IL12RB1: variants seen among roughly 807,000 people sequenced by gnomAD.
The protein encoded by IL12RB1 is interleukin 12 receptor subunit beta 1, also known as interleukin-12 receptor subunit beta-1.
IL12RB1 carries 64 observed loss-of-function variants against 94.4 expected under a neutral mutation model. The ratio of observed to expected loss-of-function variants is 0.68; its 90% CI spans 0.55 to 0.83. The LOEUF is 0.83. Ranked by LOEUF, IL12RB1 falls within the 40% of genes least tolerant of loss-of-function variation. The probability of loss-of-function intolerance (pLI) is 0.00; values close to 1 mark genes in which losing one functional copy is unlikely to be tolerated. For missense variants in IL12RB1, 814 were observed against 855.6 expected, an observed-to-expected ratio of 0.95 and a Z score of 0.61; for synonymous variants, 362 against 355.5, an observed-to-expected ratio of 1.02 and a Z score of -0.21.
At chr19:18,080,720 G>A (rs1449558368) in intron 4 of IL12RB1, 112 bp downstream of exon 4, 1 of 792,784 alleles carries the variant, frequency 1.3e-6, no homozygotes, top group African/African-American at 1.7e-5. Flanking sequence ...AGTGACAATG[G>A]CTAGTAGTAT....
intron 9 of IL12RB1, among the ~76,000 whole-genome samples, chr19:18,071,633 A>G (rs1177561948): frequency 6.6e-6 from 1 of 151,802 alleles, no homozygotes; most frequent in Non-Finnish European, 1.5e-5. Flanking sequence ...AAAAAAAACA[A>G]ACCAACAACA....
At chr19:18,070,182 A>C (rs2034923083) in intron 9 of IL12RB1, among the ~76,000 whole-genome samples, 1 of 152,176 alleles carries the variant, frequency 6.6e-6, no homozygotes. Flanking sequence ...GGCTTCCCAA[A>C]GTGCTGGGAT....
At chr19:18,067,403 G>A (rs2034672050) in intron 11 of IL12RB1, among the ~76,000 whole-genome samples, 1 of 151,286 alleles carries the variant, frequency 6.6e-6, no homozygotes, top group African/African-American at 2.4e-5. Context: ...GTCCAGAGAC[G>A]GAGGTAACAT....
In IL12RB1 at chr19:18,076,318, C is replaced by T. The variant is rs564884307; in HGVS notation, c.559G>A (p.Gly187Arg). Reference sequence around the variant, plus strand: ...TCACCAGTATCATCATCCTGAGGTCCGCAGTCGCCCTAGAATAAAAACATA... The same window carrying T: ...TCACCAGTATCATCATCCTGAGGTCTGCAGTCGCCCTAGAATAAAAACATA... The part of the protein sequence containing the change: ...PSSPWKLGDC[G>R]PQDDDTESCL... The change falls in exon 6 of 17, where the codon GGA becomes AGA. Residue 187 changes from glycine to arginine, a missense_variant. Gly to Arg is a moderately radical substitution (Grantham distance 125). Transcript: ENST00000593993. 21 of 1,422,960 alleles carry T rather than the reference C, an allele frequency of 1.5e-5. No homozygotes were observed. The highest frequency in any genetic ancestry group is 1.8e-4 in the Middle Eastern group (1 of 5,706). The allele number at this position is 1,422,960 out of a possible 1,614,324, so 88.1% of individuals were successfully genotyped here.
At chr19:18,098,004 A>C (rs2037133304) in intron 1 of IL12RB1, among the ~76,000 whole-genome samples, 1 of 152,052 alleles carries the variant, frequency 6.6e-6, no homozygotes, top group Non-Finnish European at 1.5e-5. Flanking sequence ...GCTTTTTCTC[A>C]TGGTGGGAAG....
At chr19:18,067,645 T>C (rs2146188721) in intron 11 of IL12RB1, among the ~76,000 whole-genome samples, 1 of 151,996 alleles carries the variant, frequency 6.6e-6, no homozygotes, top group South Asian at 2.1e-4. Context: ...CTACTAAAGA[T>C]ACAAAAAATT....
At position 18,086,816 on chromosome 19, in the gene IL12RB1, G is replaced by C; in HGVS notation, c.8C>G (p.Pro3Arg). Residue 3 changes from proline to arginine, a missense_variant, in exon 1 of 17, where the codon CCG becomes CGG. By Grantham distance (103) the Pro-to-Arg change is moderately radical. Transcript: ENST00000593993. ...GAGGGGGACCACCCAGGTCACCAGC[G>C]GCTCCATCGGATCCACGTAGAGCCC... is the stretch of plus-strand genomic sequence containing the variant. ME[P>R]LVTWVVPLLF... The C allele has an allele frequency of 6.2e-7, 1 of 1,610,924 alleles. No individual in the cohort carries two copies. Among genetic ancestry groups the C allele is most frequent in the Non-Finnish European group, 8.5e-7 (1 of 1,178,966 alleles).
intron 4 of IL12RB1, 81 bp downstream of exon 4, chr19:18,080,751 A>G: frequency 1.1e-6 from 1 of 940,094 alleles, no homozygotes; most frequent in African/African-American, 1.6e-5. Flanking sequence ...GCCAAGGGCC[A>G]GGAATCCTCT....
In IL12RB1 at chr19:18,061,179, G is replaced by A. The variant is rs535844841; in HGVS notation, c.1734C>T (p.Cys578=). 5.8e-5 allele frequency: 93 copies of A among 1,591,692 alleles called. No individual in the cohort carries two copies. The South Asian group carries it at 9.1e-4, about 16-fold the overall frequency. ...TGGCACAGGGTGTGGGCAGCGGCGG[G>A]CACAGGTGCCGTGCGGCCCTGGGGA... ...LGLNRAARHL[C]PPLPTPCASS... is the part of the protein sequence containing the mutation. Residue 578 remains cysteine, a synonymous_variant, in exon 15 of 17, where the codon TGC becomes TGT. Transcript: ENST00000593993.
At position 18,068,422 on chromosome 19, in the gene IL12RB1, T is replaced by G; in HGVS notation, c.1294A>C (p.Thr432Pro). 1 of 1,613,394 alleles carries G rather than the reference T, an allele frequency of 6.2e-7. No individual in the cohort carries two copies. Among genetic ancestry groups the G allele is most frequent in the Non-Finnish European group, 8.5e-7 (1 of 1,179,540 alleles). ...AHPEKLTLWS[T>P]VLSTYHFGGN... Reference sequence around the variant, plus strand: ...CCAAAGTGGTAGGTGGACAGGACCGTAGACCACAAGGTGAGCTTCTCGGGG... The same window carrying G: ...CCAAAGTGGTAGGTGGACAGGACCGGAGACCACAAGGTGAGCTTCTCGGGG... The change falls in exon 11 of 17, where the codon ACG (threonine) becomes CCG (proline). Residue 432 changes from threonine (T) to proline (P), a missense_variant. By Grantham distance (38) the Thr-to-Pro change is conservative (BLOSUM62 -1). Coordinates refer to ENST00000593993, the MANE Select transcript of IL12RB1 (RefSeq NM_005535.3).
At chr19:18,085,168 C>T (rs1016162577) in intron 1 of IL12RB1, among the ~76,000 whole-genome samples, 2 of 152,286 alleles carry the variant, frequency 1.3e-5, no homozygotes, top group African/African-American at 4.8e-5. Context: ...GGCGCCCTCA[C>T]TCCCACAAGA....
intron 3 of IL12RB1, among the ~76,000 whole-genome samples, chr19:18,081,640 G>A (rs2035906610): frequency 6.6e-6 from 1 of 151,718 alleles, no homozygotes; most frequent in Non-Finnish European, 1.5e-5. Flanking sequence ...GGCCAACATG[G>A]TGAGACTCTG....
intron 1 of IL12RB1, among the ~76,000 whole-genome samples, chr19:18,084,344 A>G (rs1248086468): frequency 6.7e-6 from 1 of 148,604 alleles, no homozygotes. Flanking sequence ...CCATGCATCC[A>G]CCCCACCATC....
At chr19:18,082,919 C>T (rs977775654) in intron 2 of IL12RB1, among the ~76,000 whole-genome samples, 3 of 151,928 alleles carry the variant, frequency 2.0e-5, no homozygotes, top group Non-Finnish European at 4.4e-5. Flanking sequence ...CTGGTCTCTA[C>T]TAAAAATACA....
upstream of IL12RB1, among the ~76,000 whole-genome samples, chr19:18,088,795 C>T (rs1194094312): frequency 1.3e-5 from 2 of 151,828 alleles, no homozygotes; most frequent in Admixed American, 6.6e-5. Context: ...TTTGGGAGGC[C>T]GAGGTGGGCG....
At chr19:18,084,910 G>A (rs529886399) in intron 1 of IL12RB1, among the ~76,000 whole-genome samples, 3 of 152,362 alleles carry the variant, frequency 2.0e-5, no homozygotes, top group African/African-American at 7.2e-5. Flanking sequence ...TGGCACCAGT[G>A]TCTGAAGCCA....
At chr19:18,067,840 G>A (rs2034703720) in intron 11 of IL12RB1, among the ~76,000 whole-genome samples, 1 of 151,960 alleles carries the variant, frequency 6.6e-6, no homozygotes, top group Admixed American at 6.6e-5. Context: ...GGGACTACAG[G>A]CACATGCCAC....
Position 18,095,195 on chromosome 19 carries a change from G to C in IL12RB1, c.-230+3560C>G, listed in dbSNP as rs73022052. ...CTTCATCTCAAAATAAATAAATAAA[G>C]AAATAAATCTATGCAAAAAGTTGTA... On this transcript the variant is annotated intron_variant, in intron 1 of 4. Coordinates refer to the IL12RB1 transcript ENST00000594176. Among the ~76,000 whole-genome samples, 589 of 152,108 alleles carry C rather than the reference G, an allele frequency of 3.9e-3. 5 individuals are homozygous for C. Among genetic ancestry groups the C allele is most frequent in the Non-Finnish European group, 6.3e-3 (429 of 67,992 alleles).
In IL12RB1 at chr19:18,059,933, T is replaced by C; in HGVS notation, c.1944A>G (p.Thr648=). Residue 648 remains threonine, a synonymous_variant, in exon 16 of 17, where the codon ACA becomes ACG. Coordinates refer to ENST00000593993, the MANE Select transcript of IL12RB1 (RefSeq NM_005535.3). ...PEGAPELALD[T]ELSLEDGDRC... Reference sequence around the variant, plus strand: ...TGTCTCCATCCTCCAAGGACAACTCTGTATCCAGGGCCAGCTCAGGGGCAC... The same window carrying C: ...TGTCTCCATCCTCCAAGGACAACTCCGTATCCAGGGCCAGCTCAGGGGCAC... The C allele has an allele frequency of 1.3e-6, 2 of 1,591,616 alleles. No homozygotes were observed. The highest frequency in any genetic ancestry group is 1.7e-6 in the Non-Finnish European group (2 of 1,168,962).
Sources: allele counts gnomAD v4.1 joint callset (sites outside exome capture counted in the v4.1 genomes callset), GRCh38; gene constraint gnomAD v4.1.1; transcripts MANE v1.5; gene names NCBI Gene and HGNC (gene_info 2026-07-23, HGNC 2026-07-21).